ADARB2: variants seen among roughly 807,000 people sequenced by gnomAD.
ADARB2 encodes the protein inactive double-stranded RNA-specific editase B2.
ADARB2 carries 25 observed loss-of-function variants against 62.2 expected under a neutral mutation model. The ratio of observed to expected loss-of-function variants is 0.40; its 90% CI spans 0.29 to 0.56. ADARB2 has a LOEUF of 0.56. ADARB2 is among the 20% of genes least tolerant of loss of function. The probability of loss-of-function intolerance (pLI) is 0.43; values close to 1 mark genes in which losing one functional copy is unlikely to be tolerated. For missense variants in ADARB2, 1,071 were observed against 1,077.4 expected, an observed-to-expected ratio of 0.99 and a Z score of 0.08; for synonymous variants, 572 against 500.8, an observed-to-expected ratio of 1.14 and a Z score of -1.90.
intron 3 of ADARB2, among the ~76,000 whole-genome samples, chr10:1,342,175 G>A (rs911309217): frequency 6.6e-6 from 1 of 152,242 alleles, no homozygotes; most frequent in Admixed American, 6.5e-5. Flanking sequence ...GACAGTGAGA[G>A]TCAAATCCAG....
chr10:1,316,247 C>T (rs1185113535), intron 3 of ADARB2, among the ~76,000 whole-genome samples: 1 of 152,226 alleles, frequency 6.6e-6, no homozygotes, highest in African/African-American at 2.4e-5. Flanking sequence ...CTGTGACAGG[C>T]GGCGTCACAC....
At chr10:1,322,816 AT>A (rs1426091616) in intron 3 of ADARB2, among the ~76,000 whole-genome samples, 1 of 152,238 alleles carries the variant, frequency 6.6e-6, no homozygotes, top group Non-Finnish European at 1.5e-5. Context: ...AACATTTGGC[AT>A]TAAGTGTATA....
chr10:1,605,428 A>G lies in ADARB2; in HGVS notation c.100+131623T>C, dbSNP rs956138644. ...CACTGGTGCCCTTCTTTCCTTGCCAATCTCTGATTCTGGATTGAATGGGTA... is the reference window on the plus strand; with the variant it reads ...CACTGGTGCCCTTCTTTCCTTGCCAGTCTCTGATTCTGGATTGAATGGGTA... On this transcript the variant is annotated intron_variant, in intron 1 of 9. Transcript: ENST00000381312. Among the ~76,000 whole-genome samples, 19 of 152,166 alleles carry G rather than the reference A, an allele frequency of 1.2e-4. 1 individual carries two copies. Among genetic ancestry groups the G allele is most frequent in the South Asian group, 6.2e-4 (3 of 4,826 alleles).
chr10:1,319,551 G>T (rs1187724820), intron 3 of ADARB2, among the ~76,000 whole-genome samples: 1 of 152,154 alleles, frequency 6.6e-6, no homozygotes, highest in East Asian at 1.9e-4. Context: ...CAAACAAAAT[G>T]ATTATAATCA....
chr10:1,264,199 C>T (rs1299582437), intron 4 of ADARB2, among the ~76,000 whole-genome samples: 1 of 152,118 alleles, frequency 6.6e-6, no homozygotes, highest in African/African-American at 2.4e-5. Context: ...TCTTTCATCG[C>T]AGCATGAGGT....
intron 1 of ADARB2, among the ~76,000 whole-genome samples, chr10:1,473,738 G>A (rs1831357771): frequency 6.6e-6 from 1 of 152,206 alleles, no homozygotes; most frequent in Non-Finnish European, 1.5e-5. Flanking sequence ...GTCTATAGAG[G>A]TCTATAGACA....
intron 1 of ADARB2, among the ~76,000 whole-genome samples, chr10:1,405,323 C>T (rs928966764): frequency 6.6e-6 from 1 of 152,184 alleles, no homozygotes; most frequent in Non-Finnish European, 1.5e-5. Flanking sequence ...ACTCTCCTTC[C>T]AATCTTGAGC....
intron 1 of ADARB2, among the ~76,000 whole-genome samples, chr10:1,478,413 G>A (rs1229284777): frequency 6.6e-6 from 1 of 152,146 alleles, no homozygotes; most frequent in African/African-American, 2.4e-5. Context: ...TAGTATCTCC[G>A]TTTAAGTAAC....
intron 1 of ADARB2, among the ~76,000 whole-genome samples, chr10:1,531,545 A>G (rs1832240095): frequency 1.3e-5 from 2 of 152,342 alleles, no homozygotes; most frequent in Admixed American, 1.3e-4. Flanking sequence ...CCACACAGTA[A>G]TAGTGCTCTA....
At chr10:1,593,603 G>A (rs555465127) in intron 1 of ADARB2, among the ~76,000 whole-genome samples, 2 of 152,362 alleles carry the variant, frequency 1.3e-5, no homozygotes, top group African/African-American at 2.4e-5. Flanking sequence ...ATAAGTGCGG[G>A]CTTAAAGAAG....
intron 2 of ADARB2, among the ~76,000 whole-genome samples, chr10:1,375,757 CAT>C (rs1832417515): frequency 6.6e-6 from 1 of 152,170 alleles, no homozygotes; most frequent in Non-Finnish European, 1.5e-5. Context: ...ACGCCACACA[CAT>C]GCACACACGC....
intron 1 of ADARB2, among the ~76,000 whole-genome samples, chr10:1,473,392 T>C (rs1246553385): frequency 3.3e-5 from 5 of 152,022 alleles, no homozygotes; most frequent in Non-Finnish European, 7.4e-5. Flanking sequence ...TTTGTTTTGT[T>C]TTTTTTTCCT....
chr10:1,706,388 C>A (rs1263617064), intron 1 of ADARB2, among the ~76,000 whole-genome samples: 1 of 152,182 alleles, frequency 6.6e-6, no homozygotes, highest in Non-Finnish European at 1.5e-5. Context: ...GTGAGCACCC[C>A]TAGGCTTCAA....
chr10:1,429,899 T>C (rs969788233), intron 1 of ADARB2, among the ~76,000 whole-genome samples: 10 of 152,176 alleles, frequency 6.6e-5, no homozygotes, highest in African/African-American at 1.4e-4. Flanking sequence ...CCTCATCTCC[T>C]TTCCTTGTTG....
At chr10:1,613,380 A>C (rs563886556) in intron 1 of ADARB2, among the ~76,000 whole-genome samples, 1 of 152,320 alleles carries the variant, frequency 6.6e-6, no homozygotes, top group African/African-American at 2.4e-5. Context: ...AATTTTTCCT[A>C]CTACTTCTTG....
chr10:1,671,487 C>T (rs1834384417), intron 1 of ADARB2, among the ~76,000 whole-genome samples: 1 of 152,194 alleles, frequency 6.6e-6, no homozygotes, highest in South Asian at 2.1e-4. Context: ...TGCTTTGCTG[C>T]TTCTGGTAAC....
intron 1 of ADARB2, among the ~76,000 whole-genome samples, chr10:1,660,463 C>A (rs1564360987): frequency 6.6e-6 from 1 of 152,150 alleles, no homozygotes; most frequent in Non-Finnish European, 1.5e-5. Flanking sequence ...GGAATGGTGG[C>A]CAGTCATGTC....
intron 1 of ADARB2, among the ~76,000 whole-genome samples, chr10:1,718,157 T>C (rs569015779): frequency 6.6e-6 from 1 of 152,226 alleles, no homozygotes; most frequent in African/African-American, 2.4e-5. Context: ...TGAGAAAACC[T>C]AACACACATC....
chr10:1,666,516 A>C (rs1012317445), intron 1 of ADARB2, among the ~76,000 whole-genome samples: 1 of 152,190 alleles, frequency 6.6e-6, no homozygotes, highest in East Asian at 1.9e-4. Flanking sequence ...TGTCATGCAC[A>C]CGCCGCTGCC....
Sources: gnomAD v4.1 joint callset for allele counts (sites outside exome capture counted in the v4.1 genomes callset) on GRCh38, gnomAD v4.1.1 for gene constraint, MANE v1.5 for transcripts, NCBI Gene and HGNC (gene_info 2026-07-23, HGNC 2026-07-21) for gene names.